Variants in GMDS observed in about 807,000 individuals in gnomAD.
The protein encoded by GMDS is GDP-mannose 4,6-dehydratase.
A neutral mutation model predicts 49.9 loss-of-function variants in GMDS; 20 were observed. The ratio of observed to expected loss-of-function variants is 0.40; its 90% confidence interval spans 0.28 to 0.58. The LOEUF (loss-of-function observed/expected upper bound fraction) is 0.58, where lower values mean the gene tolerates loss of function less well. Ranked by LOEUF, GMDS falls within the 20% of genes least tolerant of loss-of-function variation. The probability of loss-of-function intolerance (pLI) is 0.42; values close to 1 mark genes in which losing one functional copy is unlikely to be tolerated. For missense variants in GMDS, 362 were observed against 481.4 expected (o/e 0.75, Z 2.32); for synonymous variants, 177 against 178.6 (o/e 0.99, Z 0.07).
At chr6:1,772,737 C>A (rs1420117329) in intron 7 of GMDS, among the ~76,000 whole-genome samples, 1 of 152,148 alleles carries the variant, frequency 6.6e-6, no homozygotes, top group African/African-American at 2.4e-5. Flanking sequence ...CGTGATGACA[C>A]CAAACGTAAA....
At chr6:1,869,608 A>G (rs1219824978) in intron 7 of GMDS, among the ~76,000 whole-genome samples, 1 of 152,248 alleles carries the variant, frequency 6.6e-6, no homozygotes, top group East Asian at 1.9e-4. Flanking sequence ...GTTTCTGACA[A>G]TGGTTAGAAA....
intron 9 of GMDS, among the ~76,000 whole-genome samples, chr6:1,658,765 C>T (rs546078029): frequency 2.6e-5 from 4 of 152,254 alleles, no homozygotes; most frequent in Admixed American, 6.5e-5. Context: ...CTGAGGCACA[C>T]GCTTGGGAAG....
chr6:1,645,386 G>A (rs1223526193), intron 9 of GMDS, among the ~76,000 whole-genome samples: 4 of 152,146 alleles, frequency 2.6e-5, no homozygotes, highest in South Asian at 4.1e-4. Context: ...AATATCCCAC[G>A]GATGCTGTCT....
chr6:1,741,966 G>A (rs951473218), intron 8 of GMDS, among the ~76,000 whole-genome samples: 3 of 150,294 alleles, frequency 2.0e-5, no homozygotes, highest in Non-Finnish European at 4.4e-5. Context: ...CTTTCACCCA[G>A]GCTGGAGTGC....
chr6:1,945,736 C>T (rs1052577495), intron 6 of GMDS, among the ~76,000 whole-genome samples: 5 of 152,122 alleles, frequency 3.3e-5, no homozygotes, highest in Non-Finnish European at 5.9e-5. Flanking sequence ...ATCGTGAAAC[C>T]CTGTTTTCTA....
intron 7 of GMDS, among the ~76,000 whole-genome samples, chr6:1,916,118 A>C (rs1761377161): frequency 6.6e-6 from 1 of 152,184 alleles, no homozygotes; most frequent in Admixed American, 6.5e-5. Context: ...TCAATATACA[A>C]TCATGGTTTT....
At chr6:1,921,050 G>A (rs1374288960) in intron 7 of GMDS, among the ~76,000 whole-genome samples, 1 of 152,098 alleles carries the variant, frequency 6.6e-6, no homozygotes, top group East Asian at 1.9e-4. Context: ...CCATCTTAAT[G>A]TGGTTAATTG....
intron 1 of GMDS, among the ~76,000 whole-genome samples, chr6:2,182,881 AT>A (rs942502882): frequency 1.3e-5 from 2 of 151,918 alleles, no homozygotes; most frequent in African/African-American, 2.4e-5. Flanking sequence ...TAATTTTTGT[AT>A]TTTTTTGTAG....
chr6:1,766,762 C>T lies in GMDS; in HGVS notation c.772-24176G>A, dbSNP rs1768372143. Among the ~76,000 whole-genome samples, 1 of 152,214 alleles carries T rather than the reference C, an allele frequency of 6.6e-6. No homozygotes were observed. The highest frequency in any genetic ancestry group is 1.5e-5 in the Non-Finnish European group (1 of 68,042). On this transcript the variant is annotated intron_variant, in intron 7 of 10. Transcript: ENST00000380815. This position sits in a 1 kb window ranked among gnomAD's most constrained non-coding sequence, Gnocchi z 4.5. Reference sequence around the variant, plus strand: ...ACGGAGGAGCTGCACATCGAACATGCTAAAAACTGCGTTATGTTTTTTAAA... The same window carrying T: ...ACGGAGGAGCTGCACATCGAACATGTTAAAAACTGCGTTATGTTTTTTAAA...
At chr6:1,697,997 G>C (rs758621834) in intron 9 of GMDS, among the ~76,000 whole-genome samples, 4 of 152,202 alleles carry the variant, frequency 2.6e-5, no homozygotes, top group African/African-American at 9.6e-5. Context: ...GCACCTTTAG[G>C]GGAGTCAAGC....
intron 4 of GMDS, among the ~76,000 whole-genome samples, chr6:2,095,855 G>A (rs1394995131): frequency 6.6e-6 from 1 of 152,124 alleles, no homozygotes; most frequent in Non-Finnish European, 1.5e-5. Flanking sequence ...ATTGTGGAAA[G>A]TATGCTATCC....
intron 4 of GMDS, among the ~76,000 whole-genome samples, chr6:2,008,224 T>C (rs970234189): frequency 6.6e-6 from 1 of 152,188 alleles, no homozygotes; most frequent in Non-Finnish European, 1.5e-5. Flanking sequence ...ACAGCAACAT[T>C]TTCTTAGCAC....
Position 1,778,025 on chromosome 6 carries a change from C to T in GMDS, c.772-35439G>A, listed in dbSNP as rs1296461904. Among the ~76,000 whole-genome samples, 1 of 152,008 alleles carries T rather than the reference C, an allele frequency of 6.6e-6. No homozygotes were observed. Among genetic ancestry groups the T allele is most frequent in the African/African-American group, 2.4e-5 (1 of 41,352 alleles). ...TGAATGGAAATTTCAATAAAGAGGG[C>T]CACAAAGAAGCATTTGTAAGCTCAG... is the stretch of plus-strand genomic sequence containing the variant. On this transcript the variant is annotated intron_variant, in intron 7 of 10. Coordinates refer to ENST00000380815, the MANE Select transcript of GMDS (RefSeq NM_001500.4). This position sits in a 1 kb window ranked among gnomAD's most constrained non-coding sequence, Gnocchi z 4.6.
At chr6:2,061,862 G>T (rs766716006) in intron 4 of GMDS, among the ~76,000 whole-genome samples, 26 of 151,904 alleles carry the variant, frequency 1.7e-4, no homozygotes, top group Non-Finnish European at 3.4e-4. Flanking sequence ...GAAGAAATAT[G>T]TGTGTTGACA....
Position 2,124,040 on chromosome 6 carries a change from GT to G in GMDS, c.147+646del, listed in dbSNP as rs539213255. ...TCAGAGCATACGGGCCACTGTAAAG[GT>G]TTTTTTTTTTTTCTGTATAGCATGA... On this transcript the variant is annotated intron_variant, in intron 2 of 10. Coordinates refer to ENST00000380815, the MANE Select transcript of GMDS (RefSeq NM_001500.4). 3.5e-3 allele frequency among the ~76,000 whole-genome samples: 500 copies of G among 142,540 alleles called. 6 individuals are homozygous for G. Among genetic ancestry groups the G allele is most frequent in the East Asian group, 0.027 (134 of 4,916 alleles). 93.5% of individuals were successfully genotyped at this position (142,540 alleles called of 152,430 possible). A position where few individuals can be genotyped will look rare whatever the true frequency, so the allele number is the denominator to read the frequency against.
intron 9 of GMDS, among the ~76,000 whole-genome samples, chr6:1,650,224 C>T (rs1022271097): frequency 6.6e-6 from 1 of 152,088 alleles, no homozygotes; most frequent in Non-Finnish European, 1.5e-5. Context: ...ACTTTCAGGG[C>T]AGCCGTGAGC....
chr6:2,204,746 C>T (rs1779709665), intron 1 of GMDS, among the ~76,000 whole-genome samples: 1 of 152,188 alleles, frequency 6.6e-6, no homozygotes, highest in African/African-American at 2.4e-5. Flanking sequence ...ACCTTTATCA[C>T]TGATGGTTTT....
intron 4 of GMDS, among the ~76,000 whole-genome samples, chr6:2,108,965 T>C (rs556022768): frequency 1.3e-4 from 20 of 152,316 alleles, no homozygotes; most frequent in African/African-American, 4.8e-4. Context: ...TCCTTTAGAA[T>C]ACATCATAAC....
intron 7 of GMDS, among the ~76,000 whole-genome samples, chr6:1,749,108 G>A (rs905605462): frequency 6.6e-6 from 1 of 152,136 alleles, no homozygotes; most frequent in Admixed American, 6.6e-5. Flanking sequence ...TTCATTGCAC[G>A]CTTTGCCCCA....
Sources: gnomAD v4.1 joint callset for allele counts (sites outside exome capture counted in the v4.1 genomes callset) on GRCh38, gnomAD v4.1.1 for gene constraint, Gnocchi (gnomAD v3.1) non-coding constraint, MANE v1.5 for transcripts, NCBI Gene and HGNC (gene_info 2026-07-23, HGNC 2026-07-21) for gene names.